TBX18: variants seen among roughly 807,000 people sequenced by gnomAD.
TBX18 encodes the protein T-box transcription factor 18.
A neutral mutation model predicts 55.0 loss-of-function variants in TBX18; 21 were observed. That is an observed-to-expected ratio of 0.38 (90% CI 0.27 to 0.55). The LOEUF (loss-of-function observed/expected upper bound fraction) is 0.55. Among genes scored for constraint, TBX18 ranks in the 20% least tolerant of loss-of-function variants. The pLI is 0.73. For missense variants in TBX18, 840 were observed against 799.6 expected (o/e 1.05, Z -0.61); for synonymous variants, 342 against 326.1 (o/e 1.05, Z -0.53).
At chr6:84,761,882 A>G (rs1428323326) in intron 2 of TBX18, among the ~76,000 whole-genome samples, 1 of 152,236 alleles carries the variant, frequency 6.6e-6, no homozygotes, top group African/African-American at 2.4e-5. Context: ...CATTTAGGAC[A>G]AAAATAAATA....
chr6:84,752,897 G>C (rs1767387322), intron 4 of TBX18, among the ~76,000 whole-genome samples: 1 of 152,058 alleles, frequency 6.6e-6, no homozygotes, highest in African/African-American at 2.4e-5. Context: ...TGAGGCTTAA[G>C]GTACACCACT....
At chr6:84,745,274 C>T (rs1033751952) in intron 5 of TBX18, among the ~76,000 whole-genome samples, 12 of 152,178 alleles carry the variant, frequency 7.9e-5, no homozygotes, top group Admixed American at 3.3e-4. Context: ...GAACTTGACA[C>T]TAATAAATAC....
intron 4 of TBX18, 74 bp downstream of exon 4, chr6:84,756,624 C>A: frequency 1.4e-6 from 2 of 1,381,014 alleles, no homozygotes; most frequent in South Asian, 1.3e-5. Flanking sequence ...TAGAAGCATT[C>A]ATTTCCTTTA....
At chr6:84,738,253 A>G (rs1430651747) in intron 7 of TBX18, among the ~76,000 whole-genome samples, 5 of 152,210 alleles carry the variant, frequency 3.3e-5, no homozygotes, top group African/African-American at 1.2e-4. Context: ...ACGAGATTTA[A>G]GGATGAGGTA....
At position 84,764,204 on chromosome 6, in the gene TBX18, G is replaced by A. The variant is rs1288077203; in HGVS notation, c.-23C>T. ...CATCCCCCCCGCCCCGCGCCCGCCC[G>A]CCCCTCTCTCATATACACTCACGCG... On this transcript the variant is annotated 5_prime_UTR_variant, in exon 1 of 8. Coordinates refer to ENST00000369663, the MANE Select transcript of TBX18 (RefSeq NM_001080508.3). 6 of 595,608 alleles carry A rather than the reference G, an allele frequency of 1.0e-5. No individual in the cohort carries two copies. The highest frequency in any genetic ancestry group is 1.4e-5 in the Non-Finnish European group (6 of 427,440). 36.9% of individuals were successfully genotyped at this position (595,608 alleles called of 1,614,324 possible).
At position 84,737,051 on chromosome 6, in the gene TBX18, G is replaced by A. The variant is rs868211127; in HGVS notation, c.1458C>T (p.Ser486=). Residue 486 remains serine (S), a synonymous_variant, in exon 8 of 8, where the codon TCC becomes TCT. Coordinates refer to ENST00000369663, the MANE Select transcript of TBX18 (RefSeq NM_001080508.3). Reference sequence around the variant, plus strand: ...GGGGGGACATTCCCGAAATCTGCATGGATAAGCTGGTCTGTGGGCAGCTGA... The same window carrying A: ...GGGGGGACATTCCCGAAATCTGCATAGATAAGCTGGTCTGTGGGCAGCTGA... ...DTFSCPQTSL[S]MQISGMSPQL... 6.2e-7 allele frequency: 1 copy of A among 1,614,156 alleles called. No individual in the cohort carries two copies.
At chr6:84,763,541 G>A (rs1767718404) in intron 1 of TBX18, 1 of 532,788 alleles carries the variant, frequency 1.9e-6, no homozygotes, top group Non-Finnish European at 3.6e-6. Flanking sequence ...TCCCCGCCCT[G>A]TGCTTTTAAA....
chr6:84,736,913 A>G lies in TBX18; in HGVS notation c.1596T>C (p.Tyr532=). Residue 532 remains tyrosine, a synonymous_variant, in exon 8 of 8, where the codon TAT becomes TAC. Coordinates refer to ENST00000369663, the MANE Select transcript of TBX18 (RefSeq NM_001080508.3). ...RLHSPCALYG[Y]NFSTSPKLAA... ...CCAGTTTGGGGGATGTGGAGAAGTT[A>G]TATCCATATAGTGCACAGGGGCTGT... is the stretch of plus-strand genomic sequence containing the variant. The G allele has an allele frequency of 6.2e-7, 1 of 1,613,014 alleles. No individual in the cohort carries two copies. Among genetic ancestry groups the G allele is most frequent in the South Asian group, 1.1e-5 (1 of 90,760 alleles).
rs2127883441 is a variant in TBX18, at chr6:84,763,901, C to T, written c.281G>A (p.Arg94His). The change falls in exon 1 of 8, where the codon CGC (arginine) becomes CAC (histidine). Residue 94 changes from arginine (R) to histidine (H), a missense_variant. Transcript: ENST00000369663. ...AGGGGCCCACTCACCCGCGGCTCCGCGCTCCAGGTCTGCGCCACTCCGAGC... is the reference window on the plus strand; with the variant it reads ...AGGGGCCCACTCACCCGCGGCTCCGTGCTCCAGGTCTGCGCCACTCCGAGC... The part of the protein sequence containing the change: ...GPARSGADLE[R>H]GAAGGCEDGF... 6.6e-7 allele frequency: 1 copy of T among 1,514,296 alleles called. No individual in the cohort carries two copies. The highest frequency in any genetic ancestry group is 8.8e-7 in the Non-Finnish European group (1 of 1,141,994). The allele number at this position is 1,514,296 out of a possible 1,614,324, so 93.8% of individuals were successfully genotyped here.
intron 4 of TBX18, among the ~76,000 whole-genome samples, chr6:84,750,283 C>CAAAAAAA (rs546686776): frequency 9.5e-5 from 9 of 94,654 alleles, no homozygotes; most frequent in African/African-American, 2.3e-4. Context: ...GATTCTATCT[C>CAAAAAAA]AAAAAAAAAA....
intron 6 of TBX18, chr6:84,741,404 A>C (rs1392862223): frequency 6.6e-6 from 1 of 152,218 alleles, no homozygotes; most frequent in Non-Finnish European, 1.5e-5. Context: ...TCCTGAGTAA[A>C]AAATTTTATA....
At chr6:84,754,577 T>C (rs1452193326) in intron 4 of TBX18, among the ~76,000 whole-genome samples, 1 of 152,230 alleles carries the variant, frequency 6.6e-6, no homozygotes, top group Non-Finnish European at 1.5e-5. Flanking sequence ...AATATTATAA[T>C]TATTTAGGTT....
In TBX18 at chr6:84,737,126, G is replaced by T. The variant is rs779618643; in HGVS notation, c.1383C>A (p.Ser461Arg). Residue 461 changes from serine to arginine, a missense_variant, in exon 8 of 8, where the codon AGC becomes AGA. Transcript: ENST00000369663. ...PPRTPSYVGVSSSTSVNMSMG... is the reference protein window; with the variant it reads ...PPRTPSYVGVRSSTSVNMSMG... ...TGGACATGTTCACGGAGGTGCTGCT[G>T]CTCACGCCCACATAGGAGGGAGTCC... 1.2e-5 allele frequency: 20 copies of T among 1,614,090 alleles called. No individual in the cohort carries two copies. Among genetic ancestry groups the T allele is most frequent in the Non-Finnish European group, 1.6e-5 (19 of 1,180,038 alleles).
At chr6:84,762,014 A>G (rs1012710486) in intron 2 of TBX18, among the ~76,000 whole-genome samples, 1 of 152,184 alleles carries the variant, frequency 6.6e-6, no homozygotes, top group African/African-American at 2.4e-5. Context: ...TTTTCCTCCT[A>G]GTCTAATATG....
chr6:84,745,428 A>T (rs1335433206), intron 5 of TBX18, among the ~76,000 whole-genome samples: 3 of 152,146 alleles, frequency 2.0e-5, no homozygotes, highest in Admixed American at 1.3e-4. Flanking sequence ...TAATTACACC[A>T]TCTTGGCTAA....
In TBX18 at chr6:84,763,876, A is replaced by T. The variant is rs764043818; in HGVS notation, c.292+14T>A. On this transcript the variant is annotated intron_variant, in intron 1 of 7. Coordinates refer to ENST00000369663, the MANE Select transcript of TBX18 (RefSeq NM_001080508.3). ...CGCCGGAGAGAAGTTATAGGCAGGA[A>T]GGGGCCCACTCACCCGCGGCTCCGC... 2.7e-6 allele frequency: 4 copies of T among 1,487,914 alleles called. No homozygotes were observed. Among genetic ancestry groups the T allele is most frequent in the Middle Eastern group, 1.8e-4 (1 of 5,652 alleles). The allele number at this position is 1,487,914 out of a possible 1,614,324, so 92.2% of individuals were successfully genotyped here.
At chr6:84,760,059 C>G (rs572653820) in intron 3 of TBX18, among the ~76,000 whole-genome samples, 196 bp downstream of exon 3, 11 of 152,236 alleles carry the variant, frequency 7.2e-5, no homozygotes. Context: ...AAAAACAAAA[C>G]AAAAATTAAG....
chr6:84,735,696 G>A lies in TBX18; in HGVS notation c.*989C>T, dbSNP rs964230884. The A allele has an allele frequency of 3.9e-5, 6 of 152,134 alleles. No homozygotes were observed. Among genetic ancestry groups the A allele is most frequent in the African/African-American group, 1.4e-4 (6 of 41,442 alleles). The allele number at this position is 152,134 out of a possible 1,614,324, so 9.4% of individuals were successfully genotyped here. A position where few individuals can be genotyped will look rare whatever the true frequency, so the allele number is the denominator to read the frequency against. On this transcript the variant is annotated 3_prime_UTR_variant, in exon 8 of 8. Transcript: ENST00000369663. ...TTACTTATATACTATCGGTCAGGAAGCTCAGAGCAAGATGGAAAAAATATT... is the reference window on the plus strand; with the variant it reads ...TTACTTATATACTATCGGTCAGGAAACTCAGAGCAAGATGGAAAAAATATT...
Position 84,736,119 on chromosome 6 carries a change from G to A in TBX18, c.*566C>T, listed in dbSNP as rs1434677264. 4.6e-5 allele frequency: 7 copies of A among 152,396 alleles called. No individual in the cohort carries two copies. The East Asian group carries it at 1.3e-3, about 29-fold the overall frequency. The allele number at this position is 152,396 out of a possible 1,614,324, so 9.4% of individuals were successfully genotyped here. ...AGACCCAAGGTCATATAGTATGTGT[G>A]GTAAATAATAAGCAGGAATGAAAAA... On this transcript the variant is annotated 3_prime_UTR_variant, in exon 8 of 8. Coordinates refer to ENST00000369663, the MANE Select transcript of TBX18 (RefSeq NM_001080508.3).
Sources: gnomAD v4.1 joint callset for allele counts (sites outside exome capture counted in the v4.1 genomes callset) on GRCh38, gnomAD v4.1.1 for gene constraint, MANE v1.5 for transcripts, NCBI Gene and HGNC (gene_info 2026-07-23, HGNC 2026-07-21) for gene names.